INO80: variants seen among roughly 807,000 people sequenced by gnomAD.
The protein encoded by INO80 is chromatin-remodeling ATPase INO80.
INO80 carries 20 observed loss-of-function variants against 203.4 expected under a neutral mutation model. The observed-to-expected ratio is 0.10, with a 90% confidence interval of 0.07 to 0.14. The LOEUF (loss-of-function observed/expected upper bound fraction) is 0.14. INO80 is among the 10% of genes least tolerant of loss of function. INO80 has a pLI of 1.00. For synonymous variants in INO80, 726 were observed against 685.2 expected (o/e 1.06, Z -0.93); for missense variants, 1,419 against 1,914.4 (o/e 0.74, Z 4.83).
chr15:41,108,464 C>T (rs1378076009), intron 1 of INO80, among the ~76,000 whole-genome samples: 5 of 151,048 alleles, frequency 3.3e-5, no homozygotes, highest in African/African-American at 9.8e-5. Flanking sequence ...TGGTGGTGGG[C>T]GCTTGTAGTC....
intron 4 of INO80, among the ~76,000 whole-genome samples, chr15:41,095,270 G>A (rs929743594): frequency 1.3e-5 from 2 of 152,196 alleles, no homozygotes; most frequent in Admixed American, 6.5e-5. Flanking sequence ...GAACCTAGGA[G>A]GCGGAGGTTG....
At chr15:41,032,766 G>A (rs905571786) in intron 24 of INO80, among the ~76,000 whole-genome samples, 1 of 152,118 alleles carries the variant, frequency 6.6e-6, no homozygotes, top group Non-Finnish European at 1.5e-5. Flanking sequence ...CAGGCCAGGC[G>A]TGGTAGCTCA....
intron 1 of INO80, among the ~76,000 whole-genome samples, chr15:41,106,416 A>G (rs1436986165): frequency 6.6e-6 from 1 of 151,366 alleles, no homozygotes. Context: ...AAGAAAGAAA[A>G]AAATTAGATT....
At chr15:41,071,030 G>A (rs960088034) in intron 12 of INO80, among the ~76,000 whole-genome samples, 3 of 152,068 alleles carry the variant, frequency 2.0e-5, no homozygotes, top group Non-Finnish European at 4.4e-5. Context: ...TTAGTCAGGC[G>A]TGGTGGCATG....
intron 14 of INO80, among the ~76,000 whole-genome samples, chr15:41,065,087 A>AT (rs1006937206): frequency 4.6e-5 from 7 of 152,058 alleles, no homozygotes; most frequent in Non-Finnish European, 1.5e-5. Context: ...ATGAAAGTTT[A>AT]TTTTTTTATC....
chr15:41,066,358 C>T (rs1301805590), intron 14 of INO80, among the ~76,000 whole-genome samples: 6 of 151,980 alleles, frequency 3.9e-5, no homozygotes, highest in East Asian at 1.9e-4. Flanking sequence ...ACAAGGTCTA[C>T]GTTGGCAAGG....
intron 24 of INO80, among the ~76,000 whole-genome samples, chr15:41,028,592 C>T (rs2044412021): frequency 6.6e-6 from 1 of 152,176 alleles, no homozygotes; most frequent in South Asian, 2.1e-4. Context: ...ACTTATGTTG[C>T]CGTATCAAAA....
chr15:41,017,887 G>A (rs925722260), intron 26 of INO80: 2 of 152,204 alleles, frequency 1.3e-5, no homozygotes, highest in Admixed American at 6.5e-5. Flanking sequence ...AGCTGGGACA[G>A]AATTGACTGC....
chr15:41,092,274 A>G (rs1023459160), intron 4 of INO80, 92 bp from the exon 5 acceptor site: 1 of 982,136 alleles, frequency 1.0e-6, no homozygotes, highest in African/African-American at 1.6e-5. Flanking sequence ...AACAATGACA[A>G]AAACAGCAGA....
At chr15:41,080,584 G>A (rs574697280) in intron 8 of INO80, among the ~76,000 whole-genome samples, 80 of 152,298 alleles carry the variant, frequency 5.3e-4, no homozygotes, top group African/African-American at 1.7e-3. Flanking sequence ...GGCCGGGCGC[G>A]GTGGCTCATG....
At chr15:41,023,923 G>A (rs995281268) in intron 25 of INO80, among the ~76,000 whole-genome samples, 7 of 151,308 alleles carry the variant, frequency 4.6e-5, no homozygotes, top group Admixed American at 4.6e-4. Context: ...AACTTATATT[G>A]GAATTATACA....
intron 24 of INO80, among the ~76,000 whole-genome samples, chr15:41,032,765 C>T (rs1045606923): frequency 1.4e-4 from 21 of 152,068 alleles, no homozygotes; most frequent in African/African-American, 4.3e-4. Flanking sequence ...TCAGGCCAGG[C>T]GTGGTAGCTC....
At position 41,050,107 on chromosome 15, in the gene INO80, A is replaced by AAATC; in HGVS notation, c.2275-9_2275-6dup. On this transcript the variant is annotated splice_polypyrimidine_tract_variant and splice_region_variant and intron_variant, in intron 19 of 35. Coordinates refer to ENST00000648947, the MANE Select transcript of INO80 (RefSeq NM_017553.3). ...GCAATACATTAGAATCTCAATCTAA[A>AAATC]AATCAATAAGAACATTTATATTTGG... The AAATC allele has an allele frequency of 6.3e-7, 1 of 1,594,558 alleles. No individual in the cohort carries two copies. Among genetic ancestry groups the AAATC allele is most frequent in the Non-Finnish European group, 8.6e-7 (1 of 1,166,398 alleles).
chr15:41,090,925 CTTTTTTT>C (rs60647460), intron 5 of INO80, among the ~76,000 whole-genome samples: 1 of 124,508 alleles, frequency 8.0e-6, no homozygotes, highest in Non-Finnish European at 1.7e-5. Flanking sequence ...TTTAGAAATT[CTTTTTTT>C]TTTTTTTTTT....
At chr15:41,036,094 T>G (rs2140499864) in intron 24 of INO80, among the ~76,000 whole-genome samples, 1 of 130,504 alleles carries the variant, frequency 7.7e-6, no homozygotes, top group East Asian at 2.4e-4. Context: ...AGGCGGAAGT[T>G]GCAGTGAGCC....
At chr15:40,997,400 TAA>T (rs2043894466) in intron 29 of INO80, 127 bp downstream of exon 29, 1 of 637,656 alleles carries the variant, frequency 1.6e-6, no homozygotes, top group Non-Finnish European at 2.8e-6. Flanking sequence ...GGCAAAGAAA[TAA>T]AAAGTTTGCA....
chr15:41,015,001 C>A (rs2044182429), intron 27 of INO80, among the ~76,000 whole-genome samples: 1 of 152,176 alleles, frequency 6.6e-6, no homozygotes, highest in South Asian at 2.1e-4. Context: ...CTTCTGACAA[C>A]CAGGTACTTC....
chr15:41,099,332 AT>A (rs960543186), intron 1 of INO80, among the ~76,000 whole-genome samples: 8 of 151,418 alleles, frequency 5.3e-5, no homozygotes, highest in African/African-American at 1.9e-4. Flanking sequence ...GAAAAAAAAA[AT>A]GTTCCAAACT....
intron 28 of INO80, among the ~76,000 whole-genome samples, chr15:41,001,479 C>G (rs554491914): frequency 6.6e-6 from 1 of 152,338 alleles, no homozygotes; most frequent in South Asian, 2.1e-4. Context: ...CTCTACAACA[C>G]TCACAAAGAA....
Sources: gnomAD v4.1 joint callset for allele counts (sites outside exome capture counted in the v4.1 genomes callset) on GRCh38, gnomAD v4.1.1 for gene constraint, MANE v1.5 for transcripts, NCBI Gene and HGNC (gene_info 2026-07-23, HGNC 2026-07-21) for gene names.